Variants in CACNA1H observed in about 807,000 individuals in gnomAD.
The protein encoded by CACNA1H is voltage-dependent T-type calcium channel subunit alpha-1H.
CACNA1H carries 149 observed loss-of-function variants against 192.5 expected under a neutral mutation model. The observed-to-expected ratio is 0.77, with a 90% confidence interval of 0.68 to 0.89. The LOEUF (loss-of-function observed/expected upper bound fraction) is 0.89, where lower values mean the gene tolerates loss of function less well. Ranked by LOEUF, CACNA1H falls within the 40% of genes least tolerant of loss-of-function variation. CACNA1H has a pLI of 0.00. For missense variants in CACNA1H, 4,257 were observed against 3,423.5 expected (o/e 1.24, Z -6.08); for synonymous variants, 2,202 against 1,475.2 (o/e 1.49, Z -11.29).
chr16:1,181,219 C>T (rs1023499312), intron 2 of CACNA1H, among the ~76,000 whole-genome samples: 2 of 152,254 alleles, frequency 1.3e-5, no homozygotes, highest in African/African-American at 4.8e-5. Context: ...GGGCCCGCAG[C>T]ACCCTCATAT....
chr16:1,178,006 G>T (rs1965069080), intron 2 of CACNA1H, among the ~76,000 whole-genome samples: 2 of 108,396 alleles, frequency 1.8e-5, no homozygotes, highest in African/African-American at 3.7e-5. Flanking sequence ...TCTCCCTGAG[G>T]CCTCCCCCAC....
rs1969483223 is a variant in CACNA1H at position 1,211,820 on chromosome 16, G to A, written c.4566+15G>A. The A allele has an allele frequency of 6.8e-6, 11 of 1,611,736 alleles. No homozygotes were observed. The highest frequency in any genetic ancestry group is 8.5e-6 in the Non-Finnish European group (10 of 1,179,510). Reference sequence around the variant, plus strand: ...TCGACCAGCAGGTGCGCACAGGCGGGTCGAGCTGGGTCACCTCAGGGTCTC... The same window carrying A: ...TCGACCAGCAGGTGCGCACAGGCGGATCGAGCTGGGTCACCTCAGGGTCTC... On this transcript the variant is annotated intron_variant, in intron 24 of 34. Transcript: ENST00000348261.
rs1344819706 is a variant in CACNA1H at position 1,210,921 on chromosome 16, C to T, written c.4173C>T (p.Ile1391=). The T allele has an allele frequency of 1.9e-6, 3 of 1,602,712 alleles. No homozygotes were observed. Among genetic ancestry groups the T allele is most frequent in the African/African-American group, 1.3e-5 (1 of 74,918 alleles). The change falls in exon 21 of 35, where the codon ATC becomes ATT. Residue 1391 remains isoleucine (I), a synonymous_variant. Transcript: ENST00000348261. ...TGGCCTCGGCTGGTGGCGCCAAGAT[C>T]CTGGGTGTTCTGCGCGTGCTGCGTC... ...VAMASAGGAK[I]LGVLRVLRLL...
At chr16:1,216,465 G>A (rs1454160801) in intron 30 of CACNA1H, among the ~76,000 whole-genome samples, 2 of 152,368 alleles carry the variant, frequency 1.3e-5, no homozygotes, top group Admixed American at 1.3e-4. Flanking sequence ...CCGTGGCAGG[G>A]GAGGGGTGAG....
chr16:1,209,027 C>A lies in CACNA1H; in HGVS notation c.3364-5C>A, dbSNP rs768382135. On this transcript the variant is annotated splice_region_variant and splice_polypyrimidine_tract_variant and intron_variant, in intron 16 of 34. Coordinates refer to ENST00000348261, the MANE Select transcript of CACNA1H (RefSeq NM_021098.3). ...ACCAGGTCACTGACTCCCGCCACCCCCCAGGCCAGCCTCCGAAGTTCTCCC... is the reference window on the plus strand; with the variant it reads ...ACCAGGTCACTGACTCCCGCCACCCACCAGGCCAGCCTCCGAAGTTCTCCC... 5.3e-6 allele frequency: 8 copies of A among 1,500,186 alleles called. No homozygotes were observed. In the South Asian group the frequency reaches 9.5e-5, roughly 18 times the overall value. 92.9% of individuals were successfully genotyped at this position (1,500,186 alleles called of 1,614,324 possible).
chr16:1,185,535 C>A (rs1005321937), intron 2 of CACNA1H, among the ~76,000 whole-genome samples: 3 of 109,856 alleles, frequency 2.7e-5, no homozygotes, highest in Non-Finnish European at 4.0e-5. Flanking sequence ...TTCTGGGGAA[C>A]CCTGGAGATG....
intron 2 of CACNA1H, among the ~76,000 whole-genome samples, chr16:1,162,627 G>A (rs961858482): frequency 2.9e-4 from 42 of 142,814 alleles, no homozygotes; most frequent in Middle Eastern, 7.0e-3. Context: ...CAGCTCCTGC[G>A]GACACCTGGA....
intron 27 of CACNA1H, 38 bp from the exon 28 acceptor site, chr16:1,214,934 C>T (rs749884334): frequency 4.1e-6 from 6 of 1,466,616 alleles, no homozygotes; most frequent in South Asian, 3.6e-5. Context: ...AGGGGTGGCC[C>T]CAGCCCCACC....
rs563503183 is a variant in CACNA1H at position 1,193,073 on chromosome 16, C to T, written c.300-1899C>T. Among the ~76,000 whole-genome samples, 117 of 152,246 alleles carry T rather than the reference C, an allele frequency of 7.7e-4. 1 individual carries two copies. The highest frequency in any genetic ancestry group is 2.7e-3 in the African/African-American group (111 of 41,550). ...GCTCAGCCAGGCTGGGGTAGAGTGC[C>T]GTGGGGGCTCAGGTCAGGGAGCACC... On this transcript the variant is annotated intron_variant, in intron 2 of 34. Transcript: ENST00000348261.
At chr16:1,198,932 G>A (rs1277977213) in intron 6 of CACNA1H, 158 bp downstream of exon 6, 3 of 679,646 alleles carry the variant, frequency 4.4e-6, no homozygotes, top group East Asian at 2.8e-5. Flanking sequence ...CCACCATGCT[G>A]TCTCCCGCCC....
At chr16:1,160,396 G>T (rs1018319535) in intron 2 of CACNA1H, among the ~76,000 whole-genome samples, 3 of 152,174 alleles carry the variant, frequency 2.0e-5, no homozygotes, top group Non-Finnish European at 4.4e-5. Flanking sequence ...AGCCGGTCGC[G>T]CCCTGAGCAG....
At chr16:1,174,345 A>G (rs923869132) in intron 2 of CACNA1H, among the ~76,000 whole-genome samples, 1 of 152,144 alleles carries the variant, frequency 6.6e-6, no homozygotes, top group African/African-American at 2.4e-5. Context: ...AGCCCAGGAT[A>G]TGGAGGTAAC....
chr16:1,155,071 A>C (rs559522977), intron 2 of CACNA1H, among the ~76,000 whole-genome samples: 3 of 152,208 alleles, frequency 2.0e-5, no homozygotes, highest in Non-Finnish European at 4.4e-5. Context: ...GCCTGTGTAC[A>C]CTTCCCTACC....
intron 15 of CACNA1H, 25 bp downstream of exon 15, chr16:1,207,885 G>C: frequency 5.8e-6 from 9 of 1,561,444 alleles, no homozygotes; most frequent in African/African-American, 1.4e-5. Flanking sequence ...TGGGTGGTCC[G>C]GGTTCTGGCG....
At chr16:1,173,115 C>T (rs1023702870) in intron 2 of CACNA1H, among the ~76,000 whole-genome samples, 1 of 151,838 alleles carries the variant, frequency 6.6e-6, no homozygotes, top group Admixed American at 6.6e-5. Flanking sequence ...ATTGGGGTGT[C>T]GAGGTGTGGG....
intron 2 of CACNA1H, among the ~76,000 whole-genome samples, chr16:1,160,899 C>T (rs929750667): frequency 5.9e-5 from 9 of 152,094 alleles, no homozygotes; most frequent in Non-Finnish European, 8.8e-5. Flanking sequence ...GGTGCGCGGC[C>T]GGCGAGGACC....
chr16:1,160,638 G>T (rs911271222), intron 2 of CACNA1H, among the ~76,000 whole-genome samples: 2 of 152,222 alleles, frequency 1.3e-5, no homozygotes, highest in African/African-American at 4.8e-5. Context: ...CACACTCCTC[G>T]CGGGGCGGAG....
chr16:1,166,029 G>A (rs868328283), intron 2 of CACNA1H, among the ~76,000 whole-genome samples: 12 of 152,228 alleles, frequency 7.9e-5, no homozygotes, highest in African/African-American at 2.9e-4. Flanking sequence ...TGTTGGCACC[G>A]TAGGGGGACA....
intron 3 of CACNA1H, 57 bp from the exon 4 acceptor site, chr16:1,195,375 G>A (rs1966869483): frequency 6.5e-7 from 1 of 1,547,038 alleles, no homozygotes; most frequent in Admixed American, 2.0e-5. Context: ...GCTGGGGTTG[G>A]GGGTTGTGGG....
Sources: gnomAD v4.1 joint callset for allele counts (sites outside exome capture counted in the v4.1 genomes callset) on GRCh38, gnomAD v4.1.1 for gene constraint, MANE v1.5 for transcripts, NCBI Gene and HGNC (gene_info 2026-07-23, HGNC 2026-07-21) for gene names.